The following SLC9D1 variants were observed in gnomAD, a reference collection of about 807,000 sequenced individuals.
SLC9D1 encodes solute carrier family 9 member D1, also known as putative LAG1-interacting protein.
the SLC9D1 span, among the ~76,000 whole-genome samples, chr13:113,508,989 T>C: frequency 7.0e-6 from 1 of 142,482 alleles, no homozygotes; most frequent in East Asian, 2.2e-4. Flanking sequence ...GGGTCCCCCC[T>C]GGAGCTGCCG....
At chr13:113,535,164 G>C in the SLC9D1 span, 1 of 152,234 alleles carries the variant, frequency 6.6e-6, no homozygotes, top group Non-Finnish European at 1.5e-5. The surrounding 1 kb of genome is among the most constrained non-coding windows in gnomAD (Gnocchi z 4.1). Flanking sequence ...TTTTCAAATA[G>C]CTTTGCACCT....
the SLC9D1 span, among the ~76,000 whole-genome samples, chr13:113,514,973 C>T: frequency 6.6e-5 from 10 of 152,330 alleles, no homozygotes; most frequent in African/African-American, 2.4e-4. Flanking sequence ...CTGCCTCGGC[C>T]TCCCAAAGCG....
At chr13:113,516,614 A>G in the SLC9D1 span, among the ~76,000 whole-genome samples, 2 of 151,992 alleles carry the variant, frequency 1.3e-5, no homozygotes, top group African/African-American at 4.8e-5. Context: ...ATATAGCCCA[A>G]ACTTAAGACT....
At chr13:113,548,436 G>T in the SLC9D1 span, 2 of 1,610,614 alleles carry the variant, frequency 1.2e-6, no homozygotes, top group South Asian at 2.2e-5. Flanking sequence ...CGAAGAGCGG[G>T]CGTCATCTCT....
chr13:113,495,475 CTA>C, the SLC9D1 span: 8 of 754,526 alleles, frequency 1.1e-5, no homozygotes, highest in Admixed American at 4.8e-5. Flanking sequence ...CATTGTTTAA[CTA>C]TGTGTGACAA....
At chr13:113,518,898 C>T in the SLC9D1 span, among the ~76,000 whole-genome samples, 1 of 152,318 alleles carries the variant, frequency 6.6e-6, no homozygotes, top group African/African-American at 2.4e-5. Flanking sequence ...TACAATAAGT[C>T]AATCAAGCCT....
chr13:113,530,858 G>A, the SLC9D1 span, among the ~76,000 whole-genome samples: 1 of 152,222 alleles, frequency 6.6e-6, no homozygotes, highest in South Asian at 2.1e-4. Context: ...AAACAGGTCA[G>A]CAGCAAAGCA....
the SLC9D1 span, chr13:113,534,425 C>G: frequency 4.9e-6 from 3 of 609,208 alleles, no homozygotes; most frequent in Non-Finnish European, 2.8e-6. Context: ...GGGAGCTAAA[C>G]CCGTTTAACT....
chr13:113,536,554 A>C, the SLC9D1 span: 1 of 984,948 alleles, frequency 1.0e-6, no homozygotes, highest in Non-Finnish European at 1.2e-6. Context: ...CTCCCAGCAG[A>C]ATTGTCTTAT....
the SLC9D1 span, chr13:113,495,988 G>GGCAGC: frequency 6.2e-7 from 1 of 1,612,914 alleles, no homozygotes. Flanking sequence ...GAGAGCAGCC[G>GGCAGC]GCAGCGCCTG....
At chr13:113,515,889 C>A in the SLC9D1 span, among the ~76,000 whole-genome samples, 1 of 111,832 alleles carries the variant, frequency 8.9e-6, no homozygotes, top group African/African-American at 3.9e-5. Flanking sequence ...AGACTCCGTC[C>A]CAAAAAAAAA....
chr13:113,510,557 G>T, the SLC9D1 span: 2 of 772,662 alleles, frequency 2.6e-6, no homozygotes, highest in South Asian at 1.9e-5. Flanking sequence ...CCTAACCATG[G>T]TGGATACCAG....
At chr13:113,550,154 ATATG>A in the SLC9D1 span, 1 of 153,542 alleles carries the variant, frequency 6.5e-6, no homozygotes, top group Middle Eastern at 3.2e-3. Context: ...AATCACAAGA[ATATG>A]TATTCTTTAA....
the SLC9D1 span, among the ~76,000 whole-genome samples, chr13:113,506,529 C>T: frequency 9.2e-5 from 14 of 151,516 alleles, no homozygotes; most frequent in East Asian, 1.9e-3. Flanking sequence ...GGCCTCCATT[C>T]CATGGTGCAG....
chr13:113,543,109 GCCCCCAGC>G, the SLC9D1 span, among the ~76,000 whole-genome samples: 10 of 55,374 alleles, frequency 1.8e-4, 1 homozygote, highest in African/African-American at 5.9e-4. Context: ...TCCTCCCCCT[GCCCCCAGC>G]CCTCCCTGTC....
chr13:113,513,904 G>A, the SLC9D1 span, among the ~76,000 whole-genome samples: 219 of 152,340 alleles, frequency 1.4e-3, no homozygotes, highest in Non-Finnish European at 2.5e-3. Context: ...TCTCAAGACT[G>A]AGGATGTCCC....
chr13:113,540,325 C>T, the SLC9D1 span, among the ~76,000 whole-genome samples: 7 of 152,200 alleles, frequency 4.6e-5, no homozygotes, highest in East Asian at 5.8e-4. Flanking sequence ...GACTTTCCAT[C>T]GCGGCTAAAC....
chr13:113,501,638 C>G, the SLC9D1 span: 1 of 786,290 alleles, frequency 1.3e-6, no homozygotes, highest in East Asian at 2.6e-5. Flanking sequence ...CTTCACCCTT[C>G]ATTCCCATCA....
chr13:113,545,592 G>A, the SLC9D1 span, among the ~76,000 whole-genome samples: 1 of 152,180 alleles, frequency 6.6e-6, no homozygotes, highest in Non-Finnish European at 1.5e-5. Context: ...CCAGGGCCAG[G>A]AACTCTTAGC....
Sources: gnomAD v4.1 joint callset for allele counts (sites outside exome capture counted in the v4.1 genomes callset) on GRCh38, gnomAD v4.1.1 for gene constraint, Gnocchi (gnomAD v3.1) non-coding constraint, MANE v1.5 for transcripts, NCBI Gene and HGNC (gene_info 2026-07-23, HGNC 2026-07-21) for gene names.